DDR1: variants seen among roughly 807,000 people sequenced by gnomAD.
The protein encoded by DDR1 is epithelial discoidin domain-containing receptor 1.
In DDR1, 64 loss-of-function variants were observed where a neutral mutation model predicts 97.4. The ratio of observed to expected loss-of-function variants is 0.66; its 90% CI spans 0.54 to 0.81. The LOEUF (loss-of-function observed/expected upper bound fraction) is 0.81, where lower values mean the gene tolerates loss of function less well. Among genes scored for constraint, DDR1 ranks in the 30% least tolerant of loss-of-function variants. The pLI, the probability that DDR1 is intolerant of heterozygous loss-of-function variation, is 0.00. For synonymous variants in DDR1, 458 were observed against 503.7 expected, an observed-to-expected ratio of 0.91 and a Z score of 1.21; for missense variants, 990 against 1,259.6, an observed-to-expected ratio of 0.79 and a Z score of 3.24.
chr6:30,892,184 T>G lies in DDR1; in HGVS notation c.848T>G (p.Met283Arg). ...EFDRLRAFQA[M>R]QVHCNNMHTL... ...GACCGGCTGAGGGCCTTCCAGGCTA[T>G]GCAGGTGAGTGAGTCCGGCTCTCGA... The change falls in exon 7 of 18, where the codon ATG becomes AGG. Residue 283 changes from methionine (M) to arginine (R), a missense_variant. Met to Arg is a moderately conservative substitution (Grantham distance 91). Transcript: ENST00000376568. 6.2e-7 allele frequency: 1 copy of G among 1,614,122 alleles called. No homozygotes were observed. Among genetic ancestry groups the G allele is most frequent in the South Asian group, 1.1e-5 (1 of 91,088 alleles).
rs754748500 is a variant in DDR1 at position 30,891,252 on chromosome 6, T to C, written c.566-128T>C. 3 of 1,457,622 alleles carry C rather than the reference T, an allele frequency of 2.1e-6. No individual in the cohort carries two copies. The highest frequency in any genetic ancestry group is 1.8e-4 in the Middle Eastern group (1 of 5,640). The allele number at this position is 1,457,622 out of a possible 1,614,324, so 90.3% of individuals were successfully genotyped here. A position where few individuals can be genotyped will look rare whatever the true frequency, so the allele number is the denominator to read the frequency against. ...ACTCTGAGGAGGGGGCTAGCCAGCATTGTCTCCTCCATGCCAATGAGCCAG... is the reference window on the plus strand; with the variant it reads ...ACTCTGAGGAGGGGGCTAGCCAGCACTGTCTCCTCCATGCCAATGAGCCAG... On this transcript the variant is annotated intron_variant, in intron 5 of 17. Transcript: ENST00000376568. This position sits in a 1 kb window ranked among gnomAD's most constrained non-coding sequence, Gnocchi z 5.3.
In DDR1 at chr6:30,888,457, T is replaced by C; in HGVS notation, c.-42-231T>C. 1 of 566,880 alleles carries C rather than the reference T, an allele frequency of 1.8e-6. No homozygotes were observed. The highest frequency in any genetic ancestry group is 3.6e-4 in the Middle Eastern group (1 of 2,754). 35.1% of individuals were successfully genotyped at this position (566,880 alleles called of 1,614,324 possible). ...ATGTGTTAAATATGGATAGTAATAG[T>C]ATCTACCTTATGAAGTGACTGTGAA... On this transcript the variant is annotated intron_variant, in intron 1 of 17. Transcript: ENST00000376568. The surrounding 1 kb of genome is among the most constrained non-coding windows in gnomAD (Gnocchi z 4.2).
Position 30,888,751 on chromosome 6 carries a change from T to C in DDR1, c.22T>C (p.Ser8Pro), listed in dbSNP as rs771030187. The change falls in exon 2 of 18, where the codon TCT becomes CCT. Residue 8 changes from serine (S) to proline (P), a missense_variant. Ser to Pro is a moderately conservative substitution (Grantham distance 74). Coordinates refer to ENST00000376568, the MANE Select transcript of DDR1 (RefSeq NM_001297654.2). This position sits in a 1 kb window ranked among gnomAD's most constrained non-coding sequence, Gnocchi z 4.2. Reference protein sequence around the residue: MGPEALSSLLLLLLVASG... With the variant: MGPEALSPLLLLLLVASG... ...AGCTATGGGACCAGAGGCCCTGTCA[T>C]CTTTACTGCTGCTGCTCTTGGTGGC... 3.1e-6 allele frequency: 5 copies of C among 1,612,786 alleles called. No individual in the cohort carries two copies. In the Admixed American group the frequency reaches 5.0e-5, roughly 16 times the overall value.
intron 1 of DDR1, chr6:30,885,176 C>A (rs1300299388): frequency 2.6e-6 from 4 of 1,527,952 alleles, no homozygotes; most frequent in Middle Eastern, 3.4e-4. Flanking sequence ...ACCAGTGACA[C>A]CACTCTTCCC....
intron 12 of DDR1, among the ~76,000 whole-genome samples, chr6:30,896,166 A>C (rs547537730): frequency 3.3e-5 from 5 of 151,648 alleles, no homozygotes; most frequent in Non-Finnish European, 7.4e-5. Context: ...GCTTGGCCCC[A>C]GGGGGAGCCA....
At chr6:30,895,566 G>A in intron 12 of DDR1, 52 bp downstream of exon 12, 1 of 1,185,096 alleles carries the variant, frequency 8.4e-7, no homozygotes, top group South Asian at 1.4e-5. Context: ...CTCTACTGGG[G>A]CAGGGAAAAG....
upstream of DDR1, among the ~76,000 whole-genome samples, chr6:30,881,561 T>C (rs1784334364): frequency 6.6e-6 from 1 of 152,184 alleles, no homozygotes; most frequent in Admixed American, 6.5e-5. Flanking sequence ...CTTGTCCCCT[T>C]GATCTGTCTG....
chr6:30,889,045 C>T lies in DDR1; in HGVS notation c.188+35C>T, dbSNP rs778477626. The T allele has an allele frequency of 3.1e-6, 5 of 1,607,196 alleles. No homozygotes were observed. Among genetic ancestry groups the T allele is most frequent in the African/African-American group, 2.7e-5 (2 of 74,792 alleles). On this transcript the variant is annotated intron_variant, in intron 3 of 17. Coordinates refer to ENST00000376568, the MANE Select transcript of DDR1 (RefSeq NM_001297654.2). The surrounding 1 kb of genome is among the most constrained non-coding windows in gnomAD (Gnocchi z 4.9). ...ACACCTGGCACACTTGTAGCTGCCC[C>T]GAGAGGAGCTCCTGGGACCTCTACT...
At position 30,897,986 on chromosome 6, in the gene DDR1, C is replaced by T. The variant is rs564435559; in HGVS notation, c.2217-87C>T. The T allele has an allele frequency of 1.4e-5, 15 of 1,039,662 alleles. No individual in the cohort carries two copies. Among genetic ancestry groups the T allele is most frequent in the South Asian group, 1.0e-4 (7 of 69,034 alleles). 64.4% of individuals were successfully genotyped at this position (1,039,662 alleles called of 1,614,324 possible). A position where few individuals can be genotyped will look rare whatever the true frequency, so the allele number is the denominator to read the frequency against. On this transcript the variant is annotated intron_variant, in intron 15 of 17. Coordinates refer to ENST00000376568, the MANE Select transcript of DDR1 (RefSeq NM_001297654.2). The surrounding 1 kb of genome is among the most constrained non-coding windows in gnomAD (Gnocchi z 5.2). Reference sequence around the variant, plus strand: ...CCTCCACATGGGGAGCCAGAGTGACCGGGCCCGGGGAGTGGGCTCTCTCTC... The same window carrying T: ...CCTCCACATGGGGAGCCAGAGTGACTGGGCCCGGGGAGTGGGCTCTCTCTC...
At position 30,886,908 on chromosome 6, in the gene DDR1, A is replaced by T. The variant is rs1232432286; in HGVS notation, c.-42-1780A>T. ...TTTGTAAGGAGATGCCATTTAGAAT[A>T]GTTTTATGTGGGGTAAGCTTCCTGG... On this transcript the variant is annotated intron_variant, in intron 1 of 17. Coordinates refer to ENST00000376568, the MANE Select transcript of DDR1 (RefSeq NM_001297654.2). This position sits in a 1 kb window ranked among gnomAD's most constrained non-coding sequence, Gnocchi z 4.6. The T allele has an allele frequency of 6.6e-6, 1 of 152,240 alleles. No individual in the cohort carries two copies. Among genetic ancestry groups the T allele is most frequent in the Non-Finnish European group, 1.5e-5 (1 of 68,118 alleles). The allele number at this position is 152,240 out of a possible 1,614,324, so 9.4% of individuals were successfully genotyped here.
At position 30,890,234 on chromosome 6, in the gene DDR1, A is replaced by T. The variant is rs888701886; in HGVS notation, c.418-739A>T. ...AGTCCCTAGCTGGTGCAGGATGCTC[A>T]GCCTGACCTGGCTCCTGCCTGCATC... On this transcript the variant is annotated intron_variant, in intron 4 of 17. Transcript: ENST00000376568. The surrounding 1 kb of genome is among the most constrained non-coding windows in gnomAD (Gnocchi z 5.0). 5.9e-5 allele frequency among the ~76,000 whole-genome samples: 9 copies of T among 152,176 alleles called. No homozygotes were observed. The highest frequency in any genetic ancestry group is 2.2e-4 in the African/African-American group (9 of 41,432).
chr6:30,895,381 T>G (rs1199205969), intron 11 of DDR1, 23 bp from the exon 12 acceptor site: 1 of 1,583,834 alleles, frequency 6.3e-7, no homozygotes, highest in Admixed American at 1.7e-5. Context: ...TCCCCGTGTT[T>G]CCCCTCCTCC....
rs1428399454 is a variant in DDR1, at chr6:30,899,054, G to A, written c.2601+17G>A. On this transcript the variant is annotated intron_variant, in intron 17 of 17. Coordinates refer to ENST00000376568, the MANE Select transcript of DDR1 (RefSeq NM_001297654.2). Reference sequence around the variant, plus strand: ...GGCCGGCAGGTCAGAGTGGAGGAGAGGGAAGATGGGTCCGAGGCGGGGGAC... The same window carrying A: ...GGCCGGCAGGTCAGAGTGGAGGAGAAGGAAGATGGGTCCGAGGCGGGGGAC... 9.9e-6 allele frequency: 16 copies of A among 1,614,042 alleles called. No individual in the cohort carries two copies. The highest frequency in any genetic ancestry group is 2.2e-5 in the South Asian group (2 of 91,092).
chr6:30,897,686 G>A lies in DDR1; in HGVS notation c.2216+89G>A. ...CGCTTCAGCCTGGAGGAAAAGAGGG[G>A]AGCGTGGGGGTGGGAAGGGAGAGAG... On this transcript the variant is annotated intron_variant, in intron 15 of 17. Coordinates refer to ENST00000376568, the MANE Select transcript of DDR1 (RefSeq NM_001297654.2). The surrounding 1 kb of genome is among the most constrained non-coding windows in gnomAD (Gnocchi z 5.2). 3 of 1,103,918 alleles carry A rather than the reference G, an allele frequency of 2.7e-6. No individual in the cohort carries two copies. The highest frequency in any genetic ancestry group is 2.6e-6 in the Non-Finnish European group (2 of 771,928). The allele number at this position is 1,103,918 out of a possible 1,614,324, so 68.4% of individuals were successfully genotyped here.
chr6:30,891,919 CCGGAGGGTGG>C lies in DDR1; in HGVS notation c.666-77_666-68del. ...GAGCCAGGCTGGCCATGCCACTGTG[CCGGAGGGTGG>C]CGGAGCAGAATGCCTGGATGTCAAG... is the stretch of plus-strand genomic sequence containing the variant. On this transcript the variant is annotated intron_variant, in intron 6 of 17. Transcript: ENST00000376568. The surrounding 1 kb of genome is among the most constrained non-coding windows in gnomAD (Gnocchi z 5.3). The C allele has an allele frequency of 1.3e-6, 2 of 1,493,494 alleles. No homozygotes were observed. The highest frequency in any genetic ancestry group is 1.8e-6 in the Non-Finnish European group (2 of 1,082,414). The allele number at this position is 1,493,494 out of a possible 1,614,324, so 92.5% of individuals were successfully genotyped here.
chr6:30,890,990 G>T lies in DDR1; in HGVS notation c.435G>T (p.Glu145Asp). The part of the protein sequence containing the change: ...RWGQEVISGN[E>D]DPEGVVLKDL... ...GCCCACAGGTGATCTCAGGCAATGAGGACCCTGAGGGAGTGGTGCTGAAGG... is the reference window on the plus strand; with the variant it reads ...GCCCACAGGTGATCTCAGGCAATGATGACCCTGAGGGAGTGGTGCTGAAGG... Residue 145 changes from glutamate to aspartate, a missense_variant, in exon 5 of 18, where the codon GAG (glutamate) becomes GAT (aspartate). Coordinates refer to ENST00000376568, the MANE Select transcript of DDR1 (RefSeq NM_001297654.2). This position sits in a 1 kb window ranked among gnomAD's most constrained non-coding sequence, Gnocchi z 5.0. 1 of 1,608,390 alleles carries T rather than the reference G, an allele frequency of 6.2e-7. No individual in the cohort carries two copies. Among genetic ancestry groups the T allele is most frequent in the East Asian group, 2.2e-5 (1 of 44,814 alleles).
rs747763259 is a variant in DDR1 at position 30,891,547 on chromosome 6, G to GTGTGTGTGTGTGTGTGTGTT, written c.665+78_665+79insTGTGTGTGTTTGTGTGTGTG. On this transcript the variant is annotated intron_variant, in intron 6 of 17. Transcript: ENST00000376568. The surrounding 1 kb of genome is among the most constrained non-coding windows in gnomAD (Gnocchi z 5.3). ...GAGGACTGTGTGTGTGTGTGTGTGT[G>GTGTGTGTGTGTGTGTGTGTT]TGTGTGTGTGAGAGTGTGTGTGTGT... is the stretch of plus-strand genomic sequence containing the variant. 690 of 960,840 alleles carry GTGTGTGTGTGTGTGTGTGTT rather than the reference G, an allele frequency of 7.2e-4. 6 individuals carry two copies. The highest frequency in any genetic ancestry group is 6.9e-3 in the African/African-American group (425 of 61,538). The allele number at this position is 960,840 out of a possible 1,614,324, so 59.5% of individuals were successfully genotyped here.
In DDR1 at chr6:30,891,106, G is replaced by A; in HGVS notation, c.551G>A (p.Gly184Asp). 6.2e-7 allele frequency: 1 copy of A among 1,612,972 alleles called. No homozygotes were observed. The highest frequency in any genetic ancestry group is 8.5e-7 in the Non-Finnish European group (1 of 1,180,002). Residue 184 changes from glycine to aspartate, a missense_variant, in exon 5 of 18, where the codon GGC (glycine) becomes GAC (aspartate). Physicochemically the swap from Gly to Asp is moderately conservative, Grantham distance 94 (BLOSUM62 -1). Transcript: ENST00000376568. The surrounding 1 kb of genome is among the most constrained non-coding windows in gnomAD (Gnocchi z 5.3). ...MSVCLRVELY[G>D]CLWRDGLLSY... ...GTCTGTCTGCGGGTAGAGCTCTATG[G>A]CTGCCTCTGGAGGGGTGAGTGGCTC...
chr6:30,887,093 G>C (rs907450991), intron 1 of DDR1: 1 of 151,854 alleles, frequency 6.6e-6, no homozygotes, highest in African/African-American at 2.4e-5. Context: ...GACCACCCTG[G>C]GCCTAGAGGG....
Sources: gnomAD v4.1 joint callset for allele counts (sites outside exome capture counted in the v4.1 genomes callset) on GRCh38, gnomAD v4.1.1 for gene constraint, Gnocchi (gnomAD v3.1) non-coding constraint, MANE v1.5 for transcripts, NCBI Gene and HGNC (gene_info 2026-07-23, HGNC 2026-07-21) for gene names.